HUNK: variants seen among roughly 807,000 people sequenced by gnomAD.
HUNK encodes hormonally up-regulated Neu-associated kinase, also known as hormonally up-regulated neu tumor-associated kinase.
HUNK carries 21 observed loss-of-function variants against 61.0 expected under a neutral mutation model. That is an observed-to-expected ratio of 0.34 (90% CI 0.24 to 0.50). The LOEUF (loss-of-function observed/expected upper bound fraction) is 0.50, where lower values mean the gene tolerates loss of function less well. Among genes scored for constraint, HUNK ranks in the 20% least tolerant of loss-of-function variants. The pLI, the probability that HUNK is intolerant of heterozygous loss-of-function variation, is 0.98. For missense variants in HUNK, 772 were observed against 945.7 expected, an observed-to-expected ratio of 0.82 and a Z score of 2.41; for synonymous variants, 371 against 386.1, an observed-to-expected ratio of 0.96 and a Z score of 0.46.
At chr21:31,940,323 A>G (rs1021028374) in intron 3 of HUNK, 103 bp downstream of exon 3, 18 of 633,422 alleles carry the variant, frequency 2.8e-5, no homozygotes, top group Admixed American at 2.2e-4. Flanking sequence ...TACCCAGACA[A>G]TATTCTAGAT....
rs968158473 is a variant in HUNK at position 31,968,181 on chromosome 21, A to G, written c.875-69A>G. The G allele has an allele frequency of 3.8e-6, 6 of 1,595,500 alleles. No homozygotes were observed. The African/African-American group carries it at 8.0e-5, about 21-fold the overall frequency. ...CAGGCAAGGTGGCGAGTCCCCTGTGATGGTGGCTTTCACTGGTGTCTGCGT... is the reference window on the plus strand; with the variant it reads ...CAGGCAAGGTGGCGAGTCCCCTGTGGTGGTGGCTTTCACTGGTGTCTGCGT... On this transcript the variant is annotated intron_variant, in intron 5 of 10. Transcript: ENST00000270112.
chr21:31,898,174 A>T (rs1195941542), intron 1 of HUNK, among the ~76,000 whole-genome samples: 1 of 143,464 alleles, frequency 7.0e-6, no homozygotes, highest in Non-Finnish European at 1.5e-5. Context: ...CTTATTTTTT[A>T]ATCCATATAC....
At chr21:31,938,508 G>C (rs1220372895) in intron 2 of HUNK, among the ~76,000 whole-genome samples, 1 of 152,244 alleles carries the variant, frequency 6.6e-6, no homozygotes, top group Non-Finnish European at 1.5e-5. Context: ...GTGGGGCACT[G>C]CTGTCCTGTT....
chr21:31,909,071 C>T (rs1371085413), intron 1 of HUNK, among the ~76,000 whole-genome samples: 1 of 152,126 alleles, frequency 6.6e-6, no homozygotes, highest in East Asian at 1.9e-4. Flanking sequence ...GTTTTGTGCA[C>T]TGTAAGTGGG....
chr21:31,962,943 G>A (rs925300396), intron 5 of HUNK, among the ~76,000 whole-genome samples: 27 of 152,274 alleles, frequency 1.8e-4, no homozygotes, highest in African/African-American at 6.5e-4. Context: ...ACCCAGTAGG[G>A]CCCAGAGCAG....
chr21:31,969,432 G>A (rs1162190680), intron 6 of HUNK, among the ~76,000 whole-genome samples: 4 of 152,178 alleles, frequency 2.6e-5, no homozygotes, highest in Non-Finnish European at 2.9e-5. Flanking sequence ...CACTTTATCA[G>A]TTTCCATGAG....
intron 1 of HUNK, among the ~76,000 whole-genome samples, chr21:31,881,352 C>T (rs557319382): frequency 9.9e-5 from 15 of 152,080 alleles, no homozygotes; most frequent in Non-Finnish European, 2.1e-4. Context: ...TATGGCCAGG[C>T]GTGGTGGCTC....
intron 1 of HUNK, among the ~76,000 whole-genome samples, chr21:31,899,250 C>T (rs1017486250): frequency 1.3e-5 from 2 of 152,164 alleles, no homozygotes; most frequent in African/African-American, 4.8e-5. Context: ...TTTATTATCT[C>T]ACAGTTCTGG....
intron 2 of HUNK, among the ~76,000 whole-genome samples, chr21:31,934,230 C>T (rs112606663): frequency 5.3e-5 from 8 of 151,864 alleles, no homozygotes; most frequent in African/African-American, 9.7e-5. Context: ...CTGAGGCGGG[C>T]GGATCACGAG....
At chr21:31,952,225 T>C (rs2052855337) in intron 4 of HUNK, among the ~76,000 whole-genome samples, 1 of 151,872 alleles carries the variant, frequency 6.6e-6, no homozygotes, top group Non-Finnish European at 1.5e-5. Context: ...TTTCCTAGTC[T>C]ACTTTCAAGG....
intron 1 of HUNK, among the ~76,000 whole-genome samples, chr21:31,875,236 G>T (rs2052251785): frequency 6.6e-6 from 1 of 152,158 alleles, no homozygotes; most frequent in Admixed American, 6.5e-5. Context: ...GGGCCAACCT[G>T]CCCTTCCTGC....
intron 1 of HUNK, among the ~76,000 whole-genome samples, chr21:31,897,387 C>A (rs1273490060): frequency 6.6e-6 from 1 of 152,226 alleles, no homozygotes; most frequent in Non-Finnish European, 1.5e-5. Context: ...AGGAAAGGCT[C>A]TTTCCAGGCC....
At position 31,924,126 on chromosome 21, in the gene HUNK, A is replaced by G. The variant is rs78362859; in HGVS notation, c.262-342A>G. Among the ~76,000 whole-genome samples the G allele has an allele frequency of 9.8e-5, 15 of 152,308 alleles. No individual in the cohort carries two copies. In the East Asian group the frequency reaches 2.7e-3, roughly 27 times the overall value. On this transcript the variant is annotated intron_variant, in intron 1 of 10. Coordinates refer to ENST00000270112, the MANE Select transcript of HUNK (RefSeq NM_014586.2). The surrounding 1 kb of genome is among the most constrained non-coding windows in gnomAD (Gnocchi z 5.1). ...TTGCTGGAAGAGAAATTGTTATTTC[A>G]TCTTCCCATCCTGTAGAAAAATAAA...
chr21:31,971,261 G>A (rs945854695), intron 6 of HUNK, among the ~76,000 whole-genome samples: 8 of 151,708 alleles, frequency 5.3e-5, no homozygotes, highest in African/African-American at 1.9e-4. Context: ...TAGTAGAGAT[G>A]AGGTTTCACC....
intron 4 of HUNK, among the ~76,000 whole-genome samples, chr21:31,948,938 C>T (rs2052829215): frequency 6.6e-6 from 1 of 152,172 alleles, no homozygotes; most frequent in African/African-American, 2.4e-5. Context: ...AGAGGACCTG[C>T]TTGTCAGCGA....
intron 2 of HUNK, among the ~76,000 whole-genome samples, chr21:31,932,886 C>G (rs2052707577): frequency 6.6e-6 from 1 of 151,614 alleles, no homozygotes; most frequent in Non-Finnish European, 1.5e-5. Flanking sequence ...TCCTCACCAA[C>G]CCATCCTCCT....
chr21:31,945,291 A>G (rs1601390871), intron 3 of HUNK, among the ~76,000 whole-genome samples: 3 of 152,196 alleles, frequency 2.0e-5, no homozygotes, highest in Non-Finnish European at 4.4e-5. Context: ...CGCAGAAGGC[A>G]TAATAGACCC....
In HUNK at chr21:31,873,854, C is replaced by T; in HGVS notation, c.180C>T (p.Asn60=). ...TCCAGCACCACAAGCGCGTGGGCAA[C>T]TACCTCATCGGCAGCAGGAAGCTGG... ...RDFQHHKRVG[N]YLIGSRKLGE... Residue 60 remains asparagine, a synonymous_variant, in exon 1 of 11, where the codon AAC becomes AAT. Transcript: ENST00000270112. This position sits in a 1 kb window ranked among gnomAD's most constrained non-coding sequence, Gnocchi z 6.1. 4.4e-6 allele frequency: 7 copies of T among 1,586,200 alleles called. No individual in the cohort carries two copies. The highest frequency in any genetic ancestry group is 5.1e-6 in the Non-Finnish European group (6 of 1,168,392).
Position 31,921,154 on chromosome 21 carries a change from CAAAAAAAAAAA to C in HUNK, c.262-3296_262-3286del, listed in dbSNP as rs751938845. On this transcript the variant is annotated intron_variant, in intron 1 of 10. Coordinates refer to ENST00000270112, the MANE Select transcript of HUNK (RefSeq NM_014586.2). The stretch of plus-strand genomic sequence containing the variant: ...TGGGCCACAGAGCGAGATTCCATCT[CAAAAAAAAAAA>C]AAAAAAAAAAAAAAAAAGAAGGAGA... Among the ~76,000 whole-genome samples, 385 of 39,428 alleles carry C rather than the reference CAAAAAAAAAAA, an allele frequency of 9.8e-3. 1 individual carries two copies. The highest frequency in any genetic ancestry group is 0.026 in the African/African-American group (352 of 13,652). 25.9% of individuals were successfully genotyped at this position (39,428 alleles called of 152,430 possible).
Sources: gnomAD v4.1 joint callset for allele counts (sites outside exome capture counted in the v4.1 genomes callset) on GRCh38, gnomAD v4.1.1 for gene constraint, Gnocchi (gnomAD v3.1) non-coding constraint, MANE v1.5 for transcripts, NCBI Gene and HGNC (gene_info 2026-07-23, HGNC 2026-07-21) for gene names.